The following IKBIP variants were observed in gnomAD, a reference collection of about 807,000 sequenced individuals.
The protein encoded by IKBIP is inhibitor of nuclear factor kappa-B kinase-interacting protein.
IKBIP carries 28 observed loss-of-function variants against 31.0 expected under a neutral mutation model. The ratio of observed to expected loss-of-function variants is 0.90; its 90% CI spans 0.67 to 1.24. IKBIP has a LOEUF of 1.24. Among genes scored for constraint, IKBIP ranks in the 50% most tolerant of loss-of-function variants. IKBIP has a pLI of 0.00. For synonymous variants in IKBIP, 164 were observed against 160.3 expected, an observed-to-expected ratio of 1.02 and a Z score of -0.17; for missense variants, 453 against 441.9, an observed-to-expected ratio of 1.03 and a Z score of -0.23.
chr12:98,613,918 G>T lies in IKBIP; in HGVS notation c.720C>A (p.Asn240Lys), dbSNP rs144175785. The change falls in exon 3 of 3, where the codon AAC becomes AAA. Residue 240 changes from asparagine (N) to lysine (K), a missense_variant. Physicochemically the swap from Asn to Lys is moderately conservative, Grantham distance 94. Coordinates refer to the IKBIP transcript ENST00000342502. ...GTTCGGTTAGCGTCTTCTTAACAGA[G>T]TTAATTCTTTGTGAATTTTCAGATG... 140 of 1,613,570 alleles carry T rather than the reference G, an allele frequency of 8.7e-5. 1 individual carries two copies. Among genetic ancestry groups the T allele is most frequent in the South Asian group, 4.9e-4 (45 of 91,008 alleles).
In IKBIP at chr12:98,624,483, G is replaced by T; in HGVS notation, c.*1447C>A. On this transcript the variant is annotated 3_prime_UTR_variant, in exon 3 of 3. Coordinates refer to ENST00000299157, the MANE Select transcript of IKBIP (RefSeq NM_153687.4). ...GAGTTTGGGGGTTCTCCAAAAACTTGCAAATTTACATATTAAAACTACTTG... is the reference window on the plus strand; with the variant it reads ...GAGTTTGGGGGTTCTCCAAAAACTTTCAAATTTACATATTAAAACTACTTG... The T allele has an allele frequency of 2.0e-6, 2 of 985,210 alleles. No homozygotes were observed. Among genetic ancestry groups the T allele is most frequent in the Non-Finnish European group, 2.4e-6 (2 of 829,806 alleles). The allele number at this position is 985,210 out of a possible 1,614,324, so 61.0% of individuals were successfully genotyped here. A position where few individuals can be genotyped will look rare whatever the true frequency, so the allele number is the denominator to read the frequency against.
intron 1 of IKBIP, 66 bp downstream of exon 1, chr12:98,644,457 C>T (rs1257115850): frequency 6.9e-7 from 1 of 1,458,880 alleles, no homozygotes; most frequent in Non-Finnish European, 9.2e-7. Flanking sequence ...GATGTTGAGC[C>T]GGGTGGGAGC....
exon 3 of IKBIP, chr12:98,613,474 T>G (rs1461746907): frequency 1.7e-6 from 1 of 602,992 alleles, no homozygotes; most frequent in East Asian, 2.9e-5. Flanking sequence ...CAAAATAGGA[T>G]TAAATATAAA....
At chr12:98,614,018 T>C in exon 3 of IKBIP, 1 of 1,609,602 alleles carries the variant, frequency 6.2e-7, no homozygotes, top group Non-Finnish European at 8.5e-7. Context: ...TGTATTTTTT[T>C]CTACTTTCTC....
At chr12:98,635,610 C>G (rs2097625106) in intron 1 of IKBIP, among the ~76,000 whole-genome samples, 1 of 152,152 alleles carries the variant, frequency 6.6e-6, no homozygotes, top group African/African-American at 2.4e-5. Flanking sequence ...TACTGTTTTT[C>G]ACAAGGCCAT....
intron 2 of IKBIP, among the ~76,000 whole-genome samples, chr12:98,615,019 G>T (rs753922769): frequency 6.6e-6 from 1 of 152,194 alleles, no homozygotes; most frequent in Non-Finnish European, 1.5e-5. Context: ...TTTGCTAGGT[G>T]AGACAAGGCA....
At chr12:98,630,565 A>G (rs1222319502) in intron 2 of IKBIP, among the ~76,000 whole-genome samples, 4 of 152,098 alleles carry the variant, frequency 2.6e-5, no homozygotes, top group South Asian at 2.1e-4. Flanking sequence ...ATGTCCTTTC[A>G]TTACAACGTA....
chr12:98,631,606 C>T (rs2097620243), intron 2 of IKBIP, among the ~76,000 whole-genome samples: 1 of 150,172 alleles, frequency 6.7e-6, no homozygotes, highest in Non-Finnish European at 1.5e-5. Flanking sequence ...AACCCCGTCT[C>T]TACCAAAAAT....
intron 1 of IKBIP, 118 bp from the exon 2 acceptor site, chr12:98,634,531 T>C (rs1214327793): frequency 5.5e-6 from 3 of 541,438 alleles, no homozygotes; most frequent in East Asian, 3.3e-5. Flanking sequence ...TGGGTAGCTG[T>C]AGGTTTTTTT....
At chr12:98,643,812 G>GTTTTCTTTTTTTTTTTTTTTTCT in intron 1 of IKBIP, among the ~76,000 whole-genome samples, 1 of 131,126 alleles carries the variant, frequency 7.6e-6, no homozygotes, top group Middle Eastern at 3.9e-3. Context: ...TAATGATATG[G>GTTTTCTTTTTTTTTTTTTTTTCT]TTTTCTTTTT....
chr12:98,622,698 C>A (rs1451944367), downstream of IKBIP, among the ~76,000 whole-genome samples: 1 of 150,222 alleles, frequency 6.7e-6, no homozygotes, highest in African/African-American at 2.5e-5. Context: ...AAAATTTGAA[C>A]AATGTTATAG....
chr12:98,617,912 T>C (rs1428577905), intron 2 of IKBIP, among the ~76,000 whole-genome samples: 2 of 152,246 alleles, frequency 1.3e-5, no homozygotes, highest in Non-Finnish European at 2.9e-5. Flanking sequence ...TAGGAAATTA[T>C]AACTTTCTAT....
chr12:98,615,922 A>G (rs77127608), intron 2 of IKBIP, among the ~76,000 whole-genome samples: 8,725 of 152,038 alleles, frequency 0.057, 359 homozygotes, highest in Middle Eastern at 0.15. Context: ...TTGATTCTAC[A>G]TATCTTGGCT....
In IKBIP at chr12:98,624,813, T is replaced by C; in HGVS notation, c.*1117A>G. 1.2e-6 allele frequency: 1 copy of C among 824,282 alleles called. No homozygotes were observed. The allele number at this position is 824,282 out of a possible 1,614,324, so 51.1% of individuals were successfully genotyped here. A position where few individuals can be genotyped will look rare whatever the true frequency, so the allele number is the denominator to read the frequency against. ...CCACAGGCTTATTTTTATTTATTTA[T>C]TTATTTATTGAGACAGAGTCTCACT... is the stretch of plus-strand genomic sequence containing the variant. On this transcript the variant is annotated 3_prime_UTR_variant, in exon 3 of 3. Transcript: ENST00000299157.
chr12:98,613,940 G>A (rs1204902225), exon 3 of IKBIP: 1 of 1,613,608 alleles, frequency 6.2e-7, no homozygotes, highest in Non-Finnish European at 8.5e-7. Context: ...TGAATTTTCA[G>A]ATGCTGTCTT....
At chr12:98,622,869 A>G (rs777847368), downstream of IKBIP, among the ~76,000 whole-genome samples, 1 of 144,822 alleles carries the variant, frequency 6.9e-6, no homozygotes, top group Non-Finnish European at 1.5e-5. Context: ...ATTAAGCAAA[A>G]TTTAAGGCAA....
rs1016560349 is a variant in IKBIP, at chr12:98,624,437, C to T, written c.*1493G>A. 3.9e-5 allele frequency: 38 copies of T among 985,182 alleles called. No homozygotes were observed. The African/African-American group carries it at 5.9e-4, about 15-fold the overall frequency. The allele number at this position is 985,182 out of a possible 1,614,324, so 61.0% of individuals were successfully genotyped here. A position where few individuals can be genotyped will look rare whatever the true frequency, so the allele number is the denominator to read the frequency against. ...TGATTCACGCTGTCTACCACAGGCC[C>T]TCCTAACTCCAGTGGAGAAGGAGTT... On this transcript the variant is annotated 3_prime_UTR_variant, in exon 3 of 3. Coordinates refer to ENST00000299157, the MANE Select transcript of IKBIP (RefSeq NM_153687.4).
downstream of IKBIP, among the ~76,000 whole-genome samples, chr12:98,622,798 TAATA>T (rs1251755866): frequency 6.6e-6 from 1 of 152,180 alleles, no homozygotes; most frequent in East Asian, 1.9e-4. Context: ...CCACACAGGC[TAATA>T]AATCAAGATT....
chr12:98,613,882 G>A (rs753339004), exon 3 of IKBIP: 1 of 1,613,356 alleles, frequency 6.2e-7, no homozygotes, highest in South Asian at 1.1e-5. Flanking sequence ...GTTTGTCGAA[G>A]TCACTCTTTA....
Sources: gnomAD v4.1 joint callset for allele counts (sites outside exome capture counted in the v4.1 genomes callset) on GRCh38, gnomAD v4.1.1 for gene constraint, MANE v1.5 for transcripts, NCBI Gene and HGNC (gene_info 2026-07-23, HGNC 2026-07-21) for gene names.